AHSA1: variants seen among roughly 807,000 people sequenced by gnomAD.
AHSA1 encodes the protein activator of HSP90 ATPase activity 1, also known as activator of 90 kDa heat shock protein ATPase homolog 1.
In AHSA1, 14 loss-of-function variants were observed where a neutral mutation model predicts 46.1. The ratio of observed to expected loss-of-function variants is 0.30; its 90% CI spans 0.20 to 0.47. The LOEUF (loss-of-function observed/expected upper bound fraction) is 0.47, where lower values mean the gene tolerates loss of function less well. Among genes scored for constraint, AHSA1 ranks in the 20% least tolerant of loss-of-function variants. AHSA1 has a pLI of 0.99. For synonymous variants in AHSA1, 147 were observed against 145.8 expected (o/e 1.01, Z -0.06); for missense variants, 333 against 415.9 (o/e 0.80, Z 1.73).
chr14:77,463,054 C>T, intron 4 of AHSA1: 1 of 255,606 alleles, frequency 3.9e-6, no homozygotes, highest in South Asian at 5.4e-5. Flanking sequence ...CTGAGGTGGG[C>T]TGATTGCCTG....
At position 77,459,652 on chromosome 14, in the gene AHSA1, G is replaced by A. The variant is rs754501131; in HGVS notation, c.117G>A (p.Lys39=). The change falls in exon 2 of 9, where the codon AAG becomes AAA. Residue 39 remains lysine (K), a synonymous_variant. Coordinates refer to ENST00000216479, the MANE Select transcript of AHSA1 (RefSeq NM_012111.3). ...ERDASNWSTD[K]LKTLFLAVQV... ...ATGCTTCAAATTGGTCCACGGATAA[G>A]CTGAAAACACTGTTCCTGGCAGTGC... 3.1e-6 allele frequency: 5 copies of A among 1,614,220 alleles called. No homozygotes were observed. Among genetic ancestry groups the A allele is most frequent in the Middle Eastern group, 1.6e-4 (1 of 6,062 alleles).
chr14:77,461,202 T>C (rs1594938515), intron 2 of AHSA1, among the ~76,000 whole-genome samples: 1 of 151,576 alleles, frequency 6.6e-6, no homozygotes, highest in East Asian at 2.0e-4. Flanking sequence ...AATATGGTGC[T>C]TTACCATGAA....
intron 4 of AHSA1, among the ~76,000 whole-genome samples, chr14:77,463,589 AAAAAAAAAAAC>A (rs1322592138): frequency 2.0e-5 from 2 of 101,732 alleles, no homozygotes; most frequent in African/African-American, 5.4e-5. Context: ...CCATCTCAAA[AAAAAAAAAAAC>A]AAAAAAAAAA....
intron 4 of AHSA1, 67 bp downstream of exon 4, chr14:77,462,826 C>A: frequency 7.5e-7 from 1 of 1,326,172 alleles, no homozygotes; most frequent in Non-Finnish European, 1.1e-6. Flanking sequence ...TGGTTAAGGG[C>A]CTGGACAGTC....
chr14:77,461,974 C>T (rs2079027371), intron 2 of AHSA1, among the ~76,000 whole-genome samples, 186 bp from the exon 3 acceptor site: 1 of 152,170 alleles, frequency 6.6e-6, no homozygotes, highest in African/African-American at 2.4e-5. Context: ...TTCCAGTAAC[C>T]TGGTGAGGAA....
At chr14:77,460,804 T>C (rs2079019054) in intron 2 of AHSA1, among the ~76,000 whole-genome samples, 1 of 152,056 alleles carries the variant, frequency 6.6e-6, no homozygotes, top group Non-Finnish European at 1.5e-5. Flanking sequence ...CGACGCTTTT[T>C]TTTTTTAATA....
At chr14:77,460,975 C>A (rs1192500419) in intron 2 of AHSA1, among the ~76,000 whole-genome samples, 1 of 149,236 alleles carries the variant, frequency 6.7e-6, no homozygotes, top group African/African-American at 2.5e-5. Context: ...CTGGCTGACA[C>A]AGTGAAACCC....
intron 2 of AHSA1, among the ~76,000 whole-genome samples, 170 bp from the exon 3 acceptor site, chr14:77,461,990 T>C (rs1032588435): frequency 3.3e-5 from 5 of 152,230 alleles, no homozygotes; most frequent in Admixed American, 2.6e-4. Flanking sequence ...AGGAAAGACA[T>C]TTCTTTTGGG....
intron 4 of AHSA1, among the ~76,000 whole-genome samples, chr14:77,463,787 G>C (rs1308340805): frequency 6.6e-6 from 1 of 152,206 alleles, no homozygotes; most frequent in Non-Finnish European, 1.5e-5. Flanking sequence ...ATTTCTGCCA[G>C]TGTATTCTGA....
chr14:77,460,079 G>A (rs550525734), intron 2 of AHSA1: 34 of 468,730 alleles, frequency 7.3e-5, no homozygotes, highest in Non-Finnish European at 1.1e-4. Context: ...GGACACCTAC[G>A]ATGATATTTC....
chr14:77,468,720 G>GTTTTTTT, intron 8 of AHSA1: 5 of 295,044 alleles, frequency 1.7e-5, no homozygotes, highest in Admixed American at 9.3e-5. Flanking sequence ...CACCATGCCA[G>GTTTTTTT]CTTTTTTTTT....
chr14:77,464,521 T>C (rs1308011652), intron 4 of AHSA1, 77 bp from the exon 5 acceptor site: 6 of 1,248,532 alleles, frequency 4.8e-6, no homozygotes, highest in Non-Finnish European at 6.9e-6. Context: ...GATGGCTGTG[T>C]TTGTCAAGCT....
intron 2 of AHSA1, chr14:77,460,169 T>G: frequency 8.1e-5 from 24 of 297,720 alleles, no homozygotes; most frequent in Non-Finnish European, 1.0e-4. Context: ...CTTTGTGCAC[T>G]GTCTTCAGTG....
chr14:77,462,522 C>T (rs1355593153), intron 3 of AHSA1, 120 bp from the exon 4 acceptor site: 3 of 938,752 alleles, frequency 3.2e-6, no homozygotes, highest in Non-Finnish European at 3.5e-6. Flanking sequence ...TGTACGAATA[C>T]CGCAGTACTC....
At position 77,468,784 on chromosome 14, in the gene AHSA1, A is replaced by C. The variant is rs1162748502; in HGVS notation, c.844+276A>C. 6 of 523,392 alleles carry C rather than the reference A, an allele frequency of 1.1e-5. No homozygotes were observed. In the East Asian group the frequency reaches 2.1e-4, roughly 18 times the overall value. 32.4% of individuals were successfully genotyped at this position (523,392 alleles called of 1,614,324 possible). ...TTTTGTAGAGATGGGGTCCTACTACATTGTCCAGGCTAGTCTCGAACTCCT... is the reference window on the plus strand; with the variant it reads ...TTTTGTAGAGATGGGGTCCTACTACCTTGTCCAGGCTAGTCTCGAACTCCT... On this transcript the variant is annotated intron_variant, in intron 8 of 8. Transcript: ENST00000216479.
At chr14:77,460,956 A>ATTGG (rs2079020315) in intron 2 of AHSA1, among the ~76,000 whole-genome samples, 2 of 150,556 alleles carry the variant, frequency 1.3e-5, no homozygotes, top group South Asian at 2.1e-4. Flanking sequence ...TCAGGAGATC[A>ATTGG]AGACCATCCT....
intron 1 of AHSA1, 96 bp from the exon 2 acceptor site, chr14:77,459,520 C>G (rs2079011308): frequency 6.3e-6 from 8 of 1,279,940 alleles, no homozygotes; most frequent in Non-Finnish European, 6.7e-6. Context: ...TCTTTTCAAA[C>G]TATTTGTCAG....
chr14:77,466,607 C>T (rs1229290887), intron 6 of AHSA1, among the ~76,000 whole-genome samples: 2 of 152,202 alleles, frequency 1.3e-5, no homozygotes, highest in African/African-American at 4.8e-5. Flanking sequence ...TGCGCCTGCA[C>T]CCAAAATACT....
At chr14:77,465,788 A>C (rs2079045565) in intron 6 of AHSA1, 121 bp downstream of exon 6, 1 of 1,002,144 alleles carries the variant, frequency 1.0e-6, no homozygotes, top group Non-Finnish European at 1.4e-6. Context: ...TGGAGCCATG[A>C]GGCCTTCATC....
Sources: allele counts gnomAD v4.1 joint callset (sites outside exome capture counted in the v4.1 genomes callset), GRCh38; gene constraint gnomAD v4.1.1; transcripts MANE v1.5; gene names NCBI Gene and HGNC (gene_info 2026-07-23, HGNC 2026-07-21).